The following PSMD7 variants were observed in gnomAD, a reference collection of about 807,000 sequenced individuals.
PSMD7 encodes the protein 26S proteasome non-ATPase regulatory subunit 7.
PSMD7 carries 13 observed loss-of-function variants against 36.4 expected under a neutral mutation model. That is an observed-to-expected ratio of 0.36 (90% CI 0.23 to 0.57). The LOEUF (loss-of-function observed/expected upper bound fraction) is 0.57, where lower values mean the gene tolerates loss of function less well. Among genes scored for constraint, PSMD7 ranks in the 20% least tolerant of loss-of-function variants. The pLI is 0.83. For missense variants in PSMD7, 298 were observed against 393.6 expected, an observed-to-expected ratio of 0.76 and a Z score of 2.06; for synonymous variants, 186 against 151.0, an observed-to-expected ratio of 1.23 and a Z score of -1.70.
At chr16:74,303,907 AGAGGGG>A in intron 5 of PSMD7, 1 of 157,168 alleles carries the variant, frequency 6.4e-6, no homozygotes, top group Non-Finnish European at 1.4e-5. Flanking sequence ...TTTTTAGTAG[AGAGGGG>A]TTTTCGCCAT....
intron 3 of PSMD7, 106 bp from the exon 4 acceptor site, chr16:74,301,449 T>G: frequency 2.4e-6 from 2 of 824,692 alleles, no homozygotes; most frequent in East Asian, 5.0e-5. Context: ...TGTCTGGAAT[T>G]TTCAAAGAGG....
At chr16:74,305,079 CTGTGA>C (rs1304115860) in intron 6 of PSMD7, 1 of 641,344 alleles carries the variant, frequency 1.6e-6, no homozygotes, top group Non-Finnish European at 2.4e-6. Flanking sequence ...GAAAAATGTC[CTGTGA>C]TGAGAAAGAT....
intron 1 of PSMD7, 99 bp downstream of exon 1, chr16:74,297,087 G>T: frequency 7.6e-7 from 1 of 1,307,968 alleles, no homozygotes; most frequent in Non-Finnish European, 1.1e-6. Flanking sequence ...TGGGGACGCA[G>T]ATAGGGCGGC....
Position 74,305,334 on chromosome 16 carries a change from A to G in PSMD7, c.576A>G (p.Thr192=). Residue 192 remains threonine (T), a synonymous_variant, in exon 7 of 7, where the codon ACA becomes ACG. Transcript: ENST00000219313. ...TGGGCACTCTGTCCCAGCGGATCAC[A>G]AACCAGGTCCATGGTTTGAAGGGAC... is the stretch of plus-strand genomic sequence containing the variant. ...TTVGTLSQRI[T]NQVHGLKGLN... 1 of 1,613,972 alleles carries G rather than the reference A, an allele frequency of 6.2e-7. No individual in the cohort carries two copies. The highest frequency in any genetic ancestry group is 8.5e-7 in the Non-Finnish European group (1 of 1,179,978).
At chr16:74,299,438 C>A in intron 1 of PSMD7, 1 of 374,158 alleles carries the variant, frequency 2.7e-6, no homozygotes, top group African/African-American at 2.1e-5. Flanking sequence ...AGCACAATCT[C>A]AGCTCACTGT....
rs2034194361 is a variant in PSMD7, at chr16:74,306,019, CTT to C, written c.*287_*288del. ...AGAAGTCAACAAATATTTTGGTACT[CTT>C]CATTCATTTATCTCTAAAACCAGGA... On this transcript the variant is annotated 3_prime_UTR_variant, in exon 7 of 7. Coordinates refer to ENST00000219313, the MANE Select transcript of PSMD7 (RefSeq NM_002811.5). 1 of 254,952 alleles carries C rather than the reference CTT, an allele frequency of 3.9e-6. No individual in the cohort carries two copies. The highest frequency in any genetic ancestry group is 2.2e-5 in the African/African-American group (1 of 45,376). 15.8% of individuals were successfully genotyped at this position (254,952 alleles called of 1,614,324 possible).
chr16:74,306,032 T>G lies in PSMD7; in HGVS notation c.*299T>G, dbSNP rs2034194513. ...TATTTTGGTACTCTTCATTCATTTATCTCTAAAACCAGGAGTTGAATTTTC... is the reference window on the plus strand; with the variant it reads ...TATTTTGGTACTCTTCATTCATTTAGCTCTAAAACCAGGAGTTGAATTTTC... On this transcript the variant is annotated 3_prime_UTR_variant, in exon 7 of 7. Transcript: ENST00000219313. 1 of 227,606 alleles carries G rather than the reference T, an allele frequency of 4.4e-6. No individual in the cohort carries two copies. Among genetic ancestry groups the G allele is most frequent in the East Asian group, 8.0e-5 (1 of 12,560 alleles). The allele number at this position is 227,606 out of a possible 1,614,324, so 14.1% of individuals were successfully genotyped here. A position where few individuals can be genotyped will look rare whatever the true frequency, so the allele number is the denominator to read the frequency against.
intron 1 of PSMD7, among the ~76,000 whole-genome samples, chr16:74,297,327 C>T (rs1030000463): frequency 1.3e-5 from 2 of 152,188 alleles, no homozygotes; most frequent in African/African-American, 4.8e-5. Flanking sequence ...TTTAGTTGGC[C>T]CTGACCCCCG....
chr16:74,303,571 G>C (rs1386552624), intron 5 of PSMD7, among the ~76,000 whole-genome samples: 2 of 152,112 alleles, frequency 1.3e-5, no homozygotes, highest in East Asian at 1.9e-4. Flanking sequence ...GATTAATTCA[G>C]ACCACCAGAA....
chr16:74,306,156 TCAGACCCTTCTGAACTC>T lies in PSMD7; in HGVS notation c.*424_*440del, dbSNP rs2034195611. On this transcript the variant is annotated 3_prime_UTR_variant, in exon 7 of 7. Transcript: ENST00000219313. ...TATGTTCTCTGGTAACACGTAGAGT[TCAGACCCTTCTGAACTC>T]TGTTGATAATACCACACCATGTTCT... 6.5e-6 allele frequency: 1 copy of T among 154,614 alleles called. No individual in the cohort carries two copies. Among genetic ancestry groups the T allele is most frequent in the African/African-American group, 2.4e-5 (1 of 41,492 alleles). The allele number at this position is 154,614 out of a possible 1,614,324, so 9.6% of individuals were successfully genotyped here. A position where few individuals can be genotyped will look rare whatever the true frequency, so the allele number is the denominator to read the frequency against.
At chr16:74,299,234 T>C (rs1434610123) in intron 1 of PSMD7, among the ~76,000 whole-genome samples, 2 of 152,228 alleles carry the variant, frequency 1.3e-5, no homozygotes, top group African/African-American at 4.8e-5. Flanking sequence ...ACACATTTGC[T>C]AGTGGTTAAA....
chr16:74,305,225 A>G (rs1336979098), intron 6 of PSMD7, 64 bp from the exon 7 acceptor site: 2 of 1,498,422 alleles, frequency 1.3e-6, no homozygotes, highest in Non-Finnish European at 1.8e-6. Context: ...GAATGTAAGA[A>G]CTTGCCTGAT....
In PSMD7 at chr16:74,306,099, C is replaced by T. The variant is rs2034195234; in HGVS notation, c.*366C>T. ...CTTGGGGTCTGTTTCTGGTATTTTA[C>T]AAAATTGCTAAGTGGAATGCATGAA... is the stretch of plus-strand genomic sequence containing the variant. On this transcript the variant is annotated 3_prime_UTR_variant, in exon 7 of 7. Coordinates refer to ENST00000219313, the MANE Select transcript of PSMD7 (RefSeq NM_002811.5). 1 of 165,810 alleles carries T rather than the reference C, an allele frequency of 6.0e-6. No homozygotes were observed. Among genetic ancestry groups the T allele is most frequent in the African/African-American group, 2.4e-5 (1 of 41,932 alleles). 10.3% of individuals were successfully genotyped at this position (165,810 alleles called of 1,614,324 possible). A position where few individuals can be genotyped will look rare whatever the true frequency, so the allele number is the denominator to read the frequency against.
intron 6 of PSMD7, 140 bp from the exon 7 acceptor site, chr16:74,305,149 C>A (rs936212736): frequency 9.2e-7 from 1 of 1,086,374 alleles, no homozygotes; most frequent in Non-Finnish European, 1.2e-6. Flanking sequence ...AAATCTTTAT[C>A]AAATGGGGAA....
chr16:74,304,005 T>C (rs1567526428), intron 5 of PSMD7: 2 of 245,330 alleles, frequency 8.2e-6, no homozygotes, highest in East Asian at 9.5e-5. Flanking sequence ...GGTATACTTT[T>C]AAGAATCAAC....
At chr16:74,299,499 TC>T (rs1346569186) in intron 1 of PSMD7, 3 of 446,014 alleles carry the variant, frequency 6.7e-6, no homozygotes, top group Admixed American at 4.7e-5. Flanking sequence ...TGCACCTCAG[TC>T]CCCCAGCCCC....
rs749073241 is a variant in PSMD7, at chr16:74,296,981, T to G, written c.67T>G (p.Phe23Val). ...PLVLLSVVDH[F>V]NRIGKVGNQK... ...GGTGCTGCTCAGTGTGGTGGATCATTTCAACCGGTGAGCGAGCGCCCTATA... is the reference window on the plus strand; with the variant it reads ...GGTGCTGCTCAGTGTGGTGGATCATGTCAACCGGTGAGCGAGCGCCCTATA... Residue 23 changes from phenylalanine (F) to valine (V), a missense_variant, in exon 1 of 7, where the codon TTC (phenylalanine) becomes GTC (valine). Physicochemically the swap from Phe to Val is conservative, Grantham distance 50. Coordinates refer to ENST00000219313, the MANE Select transcript of PSMD7 (RefSeq NM_002811.5). 2 of 1,612,294 alleles carry G rather than the reference T, an allele frequency of 1.2e-6. No homozygotes were observed. Among genetic ancestry groups the G allele is most frequent in the Non-Finnish European group, 1.7e-6 (2 of 1,179,556 alleles).
At chr16:74,299,142 A>C (rs1169003389) in intron 1 of PSMD7, among the ~76,000 whole-genome samples, 1 of 152,178 alleles carries the variant, frequency 6.6e-6, no homozygotes, top group South Asian at 2.1e-4. Context: ...CAGTTAAACC[A>C]ATGTGAAACT....
chr16:74,305,603 A>G lies in PSMD7; in HGVS notation c.845A>G (p.Asn282Ser), dbSNP rs1257878174. The G allele has an allele frequency of 1.2e-6, 2 of 1,601,440 alleles. No homozygotes were observed. Among genetic ancestry groups the G allele is most frequent in the South Asian group, 1.1e-5 (1 of 90,798 alleles). Residue 282 changes from asparagine (N) to serine (S), a missense_variant, in exon 7 of 7, where the codon AAC (asparagine) becomes AGC (serine). Asn to Ser is a conservative substitution (Grantham distance 46). Transcript: ENST00000219313. ...AACCTCATCAACAACAAGATTGCCA[A>G]CCGGGATGCAGAGAAGAAAGAAGGG... ...LHNLINNKIA[N>S]RDAEKKEGQE...
Sources: gnomAD v4.1 joint callset for allele counts (sites outside exome capture counted in the v4.1 genomes callset) on GRCh38, gnomAD v4.1.1 for gene constraint, MANE v1.5 for transcripts, NCBI Gene and HGNC (gene_info 2026-07-23, HGNC 2026-07-21) for gene names.